The following FHIT variants were observed in gnomAD, a reference collection of about 807,000 sequenced individuals.
The protein encoded by FHIT is bis(5'-adenosyl)-triphosphatase.
A neutral mutation model predicts 17.9 loss-of-function variants in FHIT; 19 were observed. That is an observed-to-expected ratio of 1.06 (90% CI 0.74 to 1.56). The LOEUF is 1.56. Ranked by LOEUF, FHIT falls within the 40% of genes most tolerant of loss-of-function variation. The pLI is 0.00. For synonymous variants in FHIT, 81 were observed against 69.7 expected (o/e 1.16, Z -0.81); for missense variants, 248 against 189.2 (o/e 1.31, Z -1.82).
At chr3:60,137,104 A>G (rs1559667194) in intron 5 of FHIT, among the ~76,000 whole-genome samples, 1 of 152,238 alleles carries the variant, frequency 6.6e-6, no homozygotes, top group Non-Finnish European at 1.5e-5. Flanking sequence ...AGAACTAACA[A>G]ATCATTACAT....
intron 2 of FHIT, among the ~76,000 whole-genome samples, chr3:61,199,264 T>G (rs536880233): frequency 6.6e-6 from 1 of 152,228 alleles, no homozygotes. Flanking sequence ...GCACCATATC[T>G]GTGCCAAAAG....
intron 8 of FHIT, among the ~76,000 whole-genome samples, chr3:59,896,633 T>C (rs1166766962): frequency 6.6e-6 from 1 of 152,204 alleles, no homozygotes; most frequent in Non-Finnish European, 1.5e-5. Flanking sequence ...GAAAGTATAA[T>C]GAAATAATTT....
At chr3:60,678,204 G>A (rs1185898269) in intron 4 of FHIT, among the ~76,000 whole-genome samples, 1 of 151,916 alleles carries the variant, frequency 6.6e-6, no homozygotes, top group Non-Finnish European at 1.5e-5. Flanking sequence ...AGATAGAACT[G>A]CCTTGTGCTT....
chr3:60,416,427 G>A (rs530738385), intron 5 of FHIT, among the ~76,000 whole-genome samples: 20 of 152,316 alleles, frequency 1.3e-4, no homozygotes, highest in African/African-American at 4.6e-4. Context: ...GGGACAAAGA[G>A]TAAATATTTT....
At chr3:60,368,487 T>G (rs1700198644) in intron 5 of FHIT, among the ~76,000 whole-genome samples, 1 of 152,150 alleles carries the variant, frequency 6.6e-6, no homozygotes, top group Non-Finnish European at 1.5e-5. Context: ...ATTTCACCTT[T>G]TATGTTGCCT....
At chr3:60,388,081 T>C (rs533995803) in intron 5 of FHIT, among the ~76,000 whole-genome samples, 3 of 152,326 alleles carry the variant, frequency 2.0e-5, no homozygotes, top group Admixed American at 6.5e-5. Flanking sequence ...ATTGTTGCTA[T>C]GCTTCTTGTA....
intron 8 of FHIT, among the ~76,000 whole-genome samples, chr3:59,911,090 C>T (rs1704849995): frequency 1.3e-5 from 2 of 152,046 alleles, no homozygotes; most frequent in Non-Finnish European, 1.5e-5. Flanking sequence ...GACTAATTTG[C>T]TTTATTATTC....
chr3:60,556,174 T>C (rs974704967), intron 4 of FHIT, among the ~76,000 whole-genome samples: 1 of 152,128 alleles, frequency 6.6e-6, no homozygotes, highest in Non-Finnish European at 1.5e-5. Context: ...GGGTGATCCG[T>C]CTATATACAG....
Position 60,816,209 on chromosome 3 carries a change from T to G in FHIT, c.-18+5710A>C, listed in dbSNP as rs114095274. The stretch of plus-strand genomic sequence containing the variant: ...AAGAGAGATAGTTTGATTTCTTCTT[T>G]TCCTATTAAGATGCATTTTATTTCT... On this transcript the variant is annotated intron_variant, in intron 4 of 9. Coordinates refer to ENST00000492590, the MANE Select transcript of FHIT (RefSeq NM_002012.4). Among the ~76,000 whole-genome samples, 917 of 152,232 alleles carry G rather than the reference T, an allele frequency of 6.0e-3. 10 individuals carry two copies. Among genetic ancestry groups the G allele is most frequent in the African/African-American group, 0.02 (852 of 41,568 alleles).
At chr3:60,468,410 A>G (rs976335875) in intron 5 of FHIT, among the ~76,000 whole-genome samples, 3 of 151,404 alleles carry the variant, frequency 2.0e-5, no homozygotes, top group Non-Finnish European at 4.4e-5. Context: ...AATGAAGGTG[A>G]TTTTCTCAAG....
intron 4 of FHIT, among the ~76,000 whole-genome samples, chr3:60,569,752 TA>T (rs1406021482): frequency 2.6e-5 from 2 of 78,052 alleles, no homozygotes; most frequent in African/African-American, 1.1e-4. Flanking sequence ...TATATATATA[TA>T]TATTTTTTTT....
intron 5 of FHIT, among the ~76,000 whole-genome samples, chr3:60,290,225 G>A (rs1236024398): frequency 6.6e-6 from 1 of 152,122 alleles, no homozygotes; most frequent in African/African-American, 2.4e-5. Flanking sequence ...TGGGTTTTGG[G>A]AAAGAGTACT....
At chr3:61,148,503 A>C (rs2037291883) in intron 2 of FHIT, among the ~76,000 whole-genome samples, 1 of 152,120 alleles carries the variant, frequency 6.6e-6, no homozygotes, top group Non-Finnish European at 1.5e-5. Context: ...TAATGCTTTC[A>C]AGATGCATCC....
intron 7 of FHIT, among the ~76,000 whole-genome samples, chr3:59,942,735 A>G (rs1706588407): frequency 6.6e-6 from 1 of 151,886 alleles, no homozygotes; most frequent in Admixed American, 6.6e-5. Flanking sequence ...TGCAGCCTCT[A>G]CCTCCCAGGC....
At chr3:60,251,412 A>G (rs1705705079) in intron 5 of FHIT, among the ~76,000 whole-genome samples, 1 of 152,194 alleles carries the variant, frequency 6.6e-6, no homozygotes, top group Non-Finnish European at 1.5e-5. Flanking sequence ...CCCTGAGAAA[A>G]AAGTACTAAC....
At chr3:61,071,103 A>T (rs545065912) in intron 2 of FHIT, among the ~76,000 whole-genome samples, 2 of 152,322 alleles carry the variant, frequency 1.3e-5, no homozygotes, top group East Asian at 3.9e-4. Context: ...GCCTTGTACA[A>T]TTAATACAAG....
intron 5 of FHIT, among the ~76,000 whole-genome samples, chr3:60,368,726 T>C (rs1700208312): frequency 6.6e-6 from 1 of 152,154 alleles, no homozygotes; most frequent in African/African-American, 2.4e-5. Flanking sequence ...GCTTTTTGTG[T>C]GCTCTTTAAG....
At chr3:60,509,055 T>C (rs920447711) in intron 5 of FHIT, among the ~76,000 whole-genome samples, 1 of 152,128 alleles carries the variant, frequency 6.6e-6, no homozygotes, top group Non-Finnish European at 1.5e-5. Flanking sequence ...CCAAATTCTT[T>C]TGGGGTACCT....
chr3:60,266,965 T>C (rs1296553789), intron 5 of FHIT, among the ~76,000 whole-genome samples: 1 of 152,082 alleles, frequency 6.6e-6, no homozygotes. Flanking sequence ...TGATGGTAGT[T>C]TACTCCACAC....
Sources: gnomAD v4.1 joint callset for allele counts (sites outside exome capture counted in the v4.1 genomes callset) on GRCh38, gnomAD v4.1.1 for gene constraint, MANE v1.5 for transcripts, NCBI Gene and HGNC (gene_info 2026-07-23, HGNC 2026-07-21) for gene names.